The following PLPBP variants were observed in gnomAD, a reference collection of about 807,000 sequenced individuals.
The protein encoded by PLPBP is pyridoxal phosphate homeostasis protein.
Under a neutral mutation model 31.2 loss-of-function variants are expected in PLPBP, and 21 were observed. The observed-to-expected ratio is 0.67, with a 90% CI of 0.48 to 0.97. The LOEUF (loss-of-function observed/expected upper bound fraction) is 0.97, where lower values mean the gene tolerates loss of function less well. Among genes scored for constraint, PLPBP ranks in the 50% least tolerant of loss-of-function variants. The probability of loss-of-function intolerance (pLI) is 0.00; values close to 1 mark genes in which losing one functional copy is unlikely to be tolerated. For missense variants in PLPBP, 308 were observed against 354.4 expected (o/e 0.87, Z 1.05); for synonymous variants, 124 against 135.6 (o/e 0.91, Z 0.59).
chr8:37,772,981 G>A, intron 5 of PLPBP, 92 bp downstream of exon 5: 1 of 1,508,444 alleles, frequency 6.6e-7, no homozygotes, highest in Non-Finnish European at 9.1e-7. Context: ...TGATGGATAA[G>A]GTTATAGAAA....
In PLPBP at chr8:37,778,939, ATAG is replaced by A. The variant is rs1318763934; in HGVS notation, c.*837_*839del. On this transcript the variant is annotated 3_prime_UTR_variant, in exon 8 of 8. Coordinates refer to ENST00000328195, the MANE Select transcript of PLPBP (RefSeq NM_007198.4). ...CCTTAAAAAAAAAAAAAAAATCCCA[ATAG>A]TCCATGAAGGCTTTGATCTCTTGGG... The A allele has an allele frequency of 6.6e-6, 1 of 152,058 alleles. No individual in the cohort carries two copies. The highest frequency in any genetic ancestry group is 1.5e-5 in the Non-Finnish European group (1 of 68,020). The allele number at this position is 152,058 out of a possible 1,614,324, so 9.4% of individuals were successfully genotyped here. A position where few individuals can be genotyped will look rare whatever the true frequency, so the allele number is the denominator to read the frequency against.
chr8:37,775,999 G>A lies in PLPBP; in HGVS notation c.679G>A (p.Ala227Thr), dbSNP rs750645900. 14 of 1,613,686 alleles carry A rather than the reference G, an allele frequency of 8.7e-6. No individual in the cohort carries two copies. The highest frequency in any genetic ancestry group is 3.3e-5 in the South Asian group (3 of 91,090). The change falls in exon 7 of 8, where the codon GCG (alanine) becomes ACG (threonine). Residue 227 changes from alanine to threonine, a missense_variant. Around this residue, in one of 2 missense-constraint regions of PLPBP, gnomAD observed 188 missense variants for 259.3 expected, o/e 0.73. Transcript: ENST00000328195. ...DQVELSMGMS[A>T]DFQHAVEVGS... ...GGTTGAGCTGAGCATGGGCATGTCC[G>A]CGGATTTCCAGCATGCGGTGAGTGT...
chr8:37,774,662 T>C (rs1464503591), intron 5 of PLPBP, among the ~76,000 whole-genome samples: 1 of 152,236 alleles, frequency 6.6e-6, no homozygotes, highest in Non-Finnish European at 1.5e-5. Context: ...TGGGTTTAAA[T>C]CCCAATTATC....
chr8:37,767,172 G>C (rs1211139512), intron 4 of PLPBP, among the ~76,000 whole-genome samples: 1 of 150,494 alleles, frequency 6.6e-6, no homozygotes, highest in African/African-American at 2.4e-5. Context: ...TATATATTTT[G>C]TAACAGCTTT....
At chr8:37,771,812 T>C (rs567254998) in intron 4 of PLPBP, among the ~76,000 whole-genome samples, 1 of 151,970 alleles carries the variant, frequency 6.6e-6, no homozygotes, top group South Asian at 2.1e-4. Flanking sequence ...ATACAAAAAT[T>C]AGTGAGGTGT....
chr8:37,777,160 G>A (rs556029186), intron 7 of PLPBP, among the ~76,000 whole-genome samples: 6 of 152,212 alleles, frequency 3.9e-5, no homozygotes, highest in Admixed American at 1.3e-4. Context: ...GATTGGCAAC[G>A]CAAATACATG....
At chr8:37,762,595 G>A (rs756743049), upstream of PLPBP, 155 of 1,526,608 alleles carry the variant, frequency 1.0e-4, no homozygotes, top group Non-Finnish European at 1.3e-4. Flanking sequence ...AAGCTGGGCG[G>A]AACCGGAAGA....
intron 4 of PLPBP, among the ~76,000 whole-genome samples, chr8:37,769,070 C>G (rs1198826026): frequency 6.6e-6 from 1 of 152,126 alleles, no homozygotes; most frequent in African/African-American, 2.4e-5. Context: ...CACAGTGGCT[C>G]ACACCTGTAA....
chr8:37,766,482 G>A (rs778684712), intron 4 of PLPBP, 127 bp downstream of exon 4: 65 of 1,344,466 alleles, frequency 4.8e-5, no homozygotes, highest in Non-Finnish European at 5.9e-5. Context: ...ATTTCTTTAG[G>A]AAAGTCTGAG....
intron 3 of PLPBP, 21 bp from the exon 4 acceptor site, chr8:37,766,259 T>C: frequency 6.3e-7 from 1 of 1,592,188 alleles, no homozygotes; most frequent in Non-Finnish European, 8.6e-7. Context: ...GAATTACACA[T>C]GGTTACCTTT....
At chr8:37,773,618 G>A (rs1375163718) in intron 5 of PLPBP, among the ~76,000 whole-genome samples, 1 of 151,862 alleles carries the variant, frequency 6.6e-6, no homozygotes, top group Non-Finnish European at 1.5e-5. Flanking sequence ...ACAGGCACGC[G>A]CTACCACGCC....
At chr8:37,764,905 TC>T (rs1803580356) in intron 1 of PLPBP, among the ~76,000 whole-genome samples, 2 of 152,192 alleles carry the variant, frequency 1.3e-5, no homozygotes, top group Admixed American at 1.3e-4. Flanking sequence ...GCACAGTGGC[TC>T]ATGCCTGTAA....
At chr8:37,764,939 A>G (rs111428457) in intron 1 of PLPBP, among the ~76,000 whole-genome samples, 8,956 of 152,212 alleles carry the variant, frequency 0.059, 901 homozygotes, top group African/African-American at 0.2. Flanking sequence ...GGGAGGCCGA[A>G]GTGGGCAGAT....
In PLPBP at chr8:37,778,110, G is replaced by A; in HGVS notation, c.*6G>A. The A allele has an allele frequency of 6.2e-7, 1 of 1,611,946 alleles. No individual in the cohort carries two copies. The highest frequency in any genetic ancestry group is 1.3e-5 in the African/African-American group (1 of 74,988). On this transcript the variant is annotated 3_prime_UTR_variant, in exon 8 of 8. Transcript: ENST00000328195. ...AGGTGGCACAGGAGCACTGAGCCAGGGAATACTGAGAGCACTAACTATGCA... is the reference window on the plus strand; with the variant it reads ...AGGTGGCACAGGAGCACTGAGCCAGAGAATACTGAGAGCACTAACTATGCA...
chr8:37,770,028 T>C (rs552347638), intron 4 of PLPBP, among the ~76,000 whole-genome samples: 3 of 152,318 alleles, frequency 2.0e-5, no homozygotes, highest in East Asian at 3.9e-4. Flanking sequence ...TGCTCATGAA[T>C]TGGAAAAATC....
In PLPBP at chr8:37,772,781, A is replaced by G; in HGVS notation, c.346A>G (p.Thr116Ala). 1.2e-6 allele frequency: 2 copies of G among 1,614,184 alleles called. No homozygotes were observed. Among genetic ancestry groups the G allele is most frequent in the African/African-American group, 2.7e-5 (2 of 75,052 alleles). Residue 116 changes from threonine to alanine, a missense_variant, in exon 5 of 8, where the codon ACA becomes GCA. Physicochemically the swap from Thr to Ala is moderately conservative, Grantham distance 58. Coordinates refer to ENST00000328195, the MANE Select transcript of PLPBP (RefSeq NM_007198.4). Reference sequence around the variant, plus strand: ...TGTCCCCAATCTCTTCATGCTGGAAACAGTGGATTCTGTGAAGTTGGCAGA... The same window carrying G: ...TGTCCCCAATCTCTTCATGCTGGAAGCAGTGGATTCTGTGAAGTTGGCAGA... ...MAVPNLFMLE[T>A]VDSVKLADKV...
chr8:37,772,521 A>C (rs1410974214), intron 4 of PLPBP, among the ~76,000 whole-genome samples: 1 of 152,156 alleles, frequency 6.6e-6, no homozygotes. Context: ...ATGCTGCCTG[A>C]TCATGTATGT....
intron 7 of PLPBP, among the ~76,000 whole-genome samples, chr8:37,776,344 C>T (rs1325005651): frequency 1.3e-5 from 2 of 151,804 alleles, no homozygotes; most frequent in Non-Finnish European, 2.9e-5. Context: ...GGCGTGGTGG[C>T]GCACGCCTGT....
chr8:37,766,122 C>A (rs1301077736), intron 3 of PLPBP, among the ~76,000 whole-genome samples, 158 bp from the exon 4 acceptor site: 4 of 152,090 alleles, frequency 2.6e-5, no homozygotes, highest in African/African-American at 9.7e-5. Flanking sequence ...TTTCTCTATC[C>A]TTTTACCTCA....
Sources: allele counts gnomAD v4.1 joint callset (sites outside exome capture counted in the v4.1 genomes callset), GRCh38; gene constraint gnomAD v4.1.1; regional missense constraint gnomAD v4.1.1; transcripts MANE v1.5; gene names NCBI Gene and HGNC (gene_info 2026-07-23, HGNC 2026-07-21).